The following PARP16 variants were observed in gnomAD, a reference collection of about 807,000 sequenced individuals.
The protein encoded by PARP16 is protein mono-ADP-ribosyltransferase PARP16.
Under a neutral mutation model 35.0 loss-of-function variants are expected in PARP16, and 31 were observed. That is an observed-to-expected ratio of 0.88 (90% CI 0.66 to 1.19). The LOEUF (loss-of-function observed/expected upper bound fraction) is 1.19, where lower values mean the gene tolerates loss of function less well. Among genes scored for constraint, PARP16 ranks in the 50% most tolerant of loss-of-function variants. PARP16 has a pLI of 0.00. For missense variants in PARP16, 424 were observed against 411.2 expected, an observed-to-expected ratio of 1.03 and a Z score of -0.27; for synonymous variants, 162 against 169.5, an observed-to-expected ratio of 0.96 and a Z score of 0.34.
At chr15:65,261,125 A>G in intron 4 of PARP16, 99 bp from the exon 5 acceptor site, 2 of 1,154,798 alleles carry the variant, frequency 1.7e-6, no homozygotes, top group South Asian at 1.5e-5. Flanking sequence ...GCTGAGGGGG[A>G]AGAAGGCCTG....
At chr15:65,271,614 C>A (rs1223753093) in intron 1 of PARP16, among the ~76,000 whole-genome samples, 1 of 151,962 alleles carries the variant, frequency 6.6e-6, no homozygotes, top group Non-Finnish European at 1.5e-5. Context: ...GGGTACCAAA[C>A]CTGACCTGAG....
intron 2 of PARP16, among the ~76,000 whole-genome samples, chr15:65,269,721 ATACT>A (rs2090033177): frequency 6.6e-6 from 1 of 152,226 alleles, no homozygotes; most frequent in Non-Finnish European, 1.5e-5. Context: ...GTAGGCTAAC[ATACT>A]TACTTGGGCA....
intron 3 of PARP16, chr15:65,247,976 C>G (rs374706795): frequency 9.4e-5 from 31 of 328,436 alleles, no homozygotes; most frequent in African/African-American, 6.1e-4. Flanking sequence ...GGCTAATTTT[C>G]TGTATTTTTA....
intron 1 of PARP16, among the ~76,000 whole-genome samples, chr15:65,282,936 T>C (rs2090463787): frequency 6.6e-6 from 1 of 152,194 alleles, no homozygotes; most frequent in South Asian, 2.1e-4. Context: ...ATCATTTGAA[T>C]TTTTTATAAT....
exon 3 of PARP16, chr15:65,248,181 C>T (rs1362283727): frequency 2.2e-6 from 1 of 456,496 alleles, no homozygotes; most frequent in South Asian, 1.5e-5. Flanking sequence ...TAGATGGCCA[C>T]ACTCTGGCTT....
chr15:65,239,283 C>T (rs1158794720), intron 3 of PARP16, among the ~76,000 whole-genome samples: 2 of 150,744 alleles, frequency 1.3e-5, no homozygotes, highest in Non-Finnish European at 3.0e-5. Context: ...AAAAATTAGC[C>T]GGGTGTGGTG....
At chr15:65,242,997 G>A (rs931001032) in intron 3 of PARP16, among the ~76,000 whole-genome samples, 7 of 152,144 alleles carry the variant, frequency 4.6e-5, no homozygotes, top group African/African-American at 1.7e-4. Context: ...TTACAGGCGT[G>A]AGCCACTGCG....
intron 1 of PARP16, chr15:65,282,781 AC>A (rs1347944024): frequency 6.6e-6 from 1 of 152,192 alleles, no homozygotes; most frequent in African/African-American, 2.4e-5. Context: ...TTTTGGGGCA[AC>A]CTACGTTGCT....
Position 65,263,429 on chromosome 15 carries a change from C to A in PARP16, c.520-109G>T, listed in dbSNP as rs566862674. The stretch of plus-strand genomic sequence containing the variant: ...AGAGTTGTAAACACAAAATGTACAA[C>A]CCCCGCTTTTTGCCCCAGCAAGACA... On this transcript the variant is annotated intron_variant, in intron 3 of 5. Coordinates refer to ENST00000649807, the MANE Select transcript of PARP16 (RefSeq NM_001316943.2). 7.6e-4 allele frequency: 659 copies of A among 868,714 alleles called. 13 individuals are homozygous for A. The South Asian group carries it at 0.011, about 15-fold the overall frequency. The allele number at this position is 868,714 out of a possible 1,614,324, so 53.8% of individuals were successfully genotyped here.
chr15:65,266,626 T>G lies in PARP16; in HGVS notation c.455A>C (p.His152Pro). Residue 152 changes from histidine (H) to proline (P), a missense_variant, in exon 3 of 6, where the codon CAT becomes CCT. Physicochemically the swap from His to Pro is moderately conservative, Grantham distance 77. Transcript: ENST00000649807. ...KGERDLIYAF[H>P]GSRLENFHSI... ...ATGGAAGTTTTCTAGGCGGCTACCATGAAATGCATAGATTAGGTCTCGTTC... is the reference window on the plus strand; with the variant it reads ...ATGGAAGTTTTCTAGGCGGCTACCAGGAAATGCATAGATTAGGTCTCGTTC... The G allele has an allele frequency of 1.2e-6, 2 of 1,614,128 alleles. No individual in the cohort carries two copies. The highest frequency in any genetic ancestry group is 1.7e-6 in the Non-Finnish European group (2 of 1,180,010).
chr15:65,244,234 C>T (rs765965772), intron 3 of PARP16, among the ~76,000 whole-genome samples: 3 of 152,112 alleles, frequency 2.0e-5, no homozygotes, highest in Non-Finnish European at 4.4e-5. Context: ...ATCTCATTTA[C>T]TTCCTTCATA....
At chr15:65,244,704 A>G (rs546526576) in intron 3 of PARP16, among the ~76,000 whole-genome samples, 3 of 152,384 alleles carry the variant, frequency 2.0e-5, no homozygotes, top group Non-Finnish European at 2.9e-5. Context: ...TTATGGCTGT[A>G]TCCCCTGCAG....
At chr15:65,272,563 C>G (rs2140923646) in intron 1 of PARP16, among the ~76,000 whole-genome samples, 1 of 152,258 alleles carries the variant, frequency 6.6e-6, no homozygotes, top group South Asian at 2.1e-4. Flanking sequence ...CCAAGAATAC[C>G]CCTTCCCCCA....
intron 3 of PARP16, among the ~76,000 whole-genome samples, chr15:65,247,798 CTTTTTTTTTTTTTT>C (rs930896140): frequency 1.1e-5 from 1 of 90,994 alleles, no homozygotes; most frequent in East Asian, 3.1e-4. Flanking sequence ...ATGGATTGTT[CTTTTTTTTTTTTTT>C]TTTTTTTTTT....
intron 4 of PARP16, 111 bp downstream of exon 4, chr15:65,263,038 C>G (rs1176943083): frequency 9.9e-7 from 1 of 1,008,942 alleles, no homozygotes; most frequent in Non-Finnish European, 1.5e-6. Flanking sequence ...GCCCTGGATC[C>G]AGCCCAACCC....
chr15:65,237,188 C>G (rs1793143858), intron 3 of PARP16, among the ~76,000 whole-genome samples: 1 of 152,048 alleles, frequency 6.6e-6, no homozygotes, highest in South Asian at 2.1e-4. Flanking sequence ...CAGGCTGAAG[C>G]CAGCTGCAGC....
At chr15:65,237,315 C>G (rs1166346670) in intron 3 of PARP16, among the ~76,000 whole-genome samples, 1 of 152,094 alleles carries the variant, frequency 6.6e-6, no homozygotes, top group Non-Finnish European at 1.5e-5. Context: ...GGTGAGTCAC[C>G]CCTTATTTGT....
intron 2 of PARP16, among the ~76,000 whole-genome samples, chr15:65,250,293 T>C (rs889668276): frequency 7.2e-5 from 11 of 151,752 alleles, no homozygotes; most frequent in African/African-American, 2.7e-4. Flanking sequence ...GATTTTTGTG[T>C]TTTTAGTACA....
At chr15:65,252,357 T>C (rs1180191418) in intron 2 of PARP16, among the ~76,000 whole-genome samples, 1 of 152,200 alleles carries the variant, frequency 6.6e-6, no homozygotes, top group Non-Finnish European at 1.5e-5. Context: ...TTTAAAAATA[T>C]AATTGATGTG....
Sources: allele counts gnomAD v4.1 joint callset (sites outside exome capture counted in the v4.1 genomes callset), GRCh38; gene constraint gnomAD v4.1.1; transcripts MANE v1.5; gene names NCBI Gene and HGNC (gene_info 2026-07-23, HGNC 2026-07-21).